PAPPA2: variants seen among roughly 807,000 people sequenced by gnomAD.
PAPPA2 encodes pappalysin-2.
PAPPA2 carries 86 observed loss-of-function variants against 176.4 expected under a neutral mutation model. The observed-to-expected ratio is 0.49, with a 90% CI of 0.41 to 0.58. The LOEUF (loss-of-function observed/expected upper bound fraction) is 0.58. PAPPA2 is among the 20% of genes least tolerant of loss of function. The probability of loss-of-function intolerance (pLI) is 0.00; values close to 1 mark genes in which losing one functional copy is unlikely to be tolerated. For missense variants in PAPPA2, 2,073 were observed against 2,256.9 expected, an observed-to-expected ratio of 0.92 and a Z score of 1.65; for synonymous variants, 809 against 852.2, an observed-to-expected ratio of 0.95 and a Z score of 0.88.
At chr1:176,563,745 A>C (rs184001386) in intron 2 of PAPPA2, among the ~76,000 whole-genome samples, 36 of 152,304 alleles carry the variant, frequency 2.4e-4, no homozygotes, top group Admixed American at 2.1e-3. Context: ...GGTGCAATGT[A>C]AGTACGTCTT....
At chr1:176,694,722 C>G (rs531216149) in intron 6 of PAPPA2, among the ~76,000 whole-genome samples, 1 of 152,276 alleles carries the variant, frequency 6.6e-6, no homozygotes, top group South Asian at 2.1e-4. Flanking sequence ...AGTTATAGTA[C>G]TTGTAGAACT....
chr1:176,752,281 A>G (rs1200453266), intron 14 of PAPPA2, among the ~76,000 whole-genome samples: 15 of 134,798 alleles, frequency 1.1e-4, no homozygotes, highest in African/African-American at 3.9e-4. Context: ...AGCATGGCAC[A>G]TGTATACATA....
chr1:176,661,358 A>G (rs1658350931), intron 3 of PAPPA2, among the ~76,000 whole-genome samples: 2 of 151,814 alleles, frequency 1.3e-5, no homozygotes, highest in Non-Finnish European at 2.9e-5. Flanking sequence ...AACATCTAGA[A>G]CTATCTCTCA....
intron 3 of PAPPA2, among the ~76,000 whole-genome samples, chr1:176,621,307 AC>A: frequency 6.6e-6 from 1 of 152,294 alleles, no homozygotes; most frequent in African/African-American, 2.4e-5. Context: ...ATGAAAGATG[AC>A]AAGCCCCAAA....
intron 2 of PAPPA2, among the ~76,000 whole-genome samples, chr1:176,586,483 C>G (rs1475120863): frequency 6.6e-6 from 1 of 152,158 alleles, no homozygotes; most frequent in African/African-American, 2.4e-5. Flanking sequence ...TGTTGTTCCC[C>G]TCTCTGTGTC....
intron 1 of PAPPA2, among the ~76,000 whole-genome samples, chr1:176,501,277 C>G (rs1300467346): frequency 6.6e-6 from 1 of 152,022 alleles, no homozygotes; most frequent in African/African-American, 2.4e-5. Flanking sequence ...AAATATCTCC[C>G]TATTTTTTAG....
chr1:176,675,761 A>C (rs2102781998), intron 4 of PAPPA2, among the ~76,000 whole-genome samples: 1 of 152,248 alleles, frequency 6.6e-6, no homozygotes, highest in African/African-American at 2.4e-5. Flanking sequence ...AAAAGATATC[A>C]AACCACAGAT....
chr1:176,620,246 C>T (rs1655508709), intron 3 of PAPPA2, among the ~76,000 whole-genome samples: 1 of 152,138 alleles, frequency 6.6e-6, no homozygotes, highest in Non-Finnish European at 1.5e-5. Context: ...TAATGACCAT[C>T]ACCTTGGGCA....
intron 3 of PAPPA2, among the ~76,000 whole-genome samples, chr1:176,617,411 T>A (rs1476114143): frequency 6.6e-6 from 1 of 152,094 alleles, no homozygotes; most frequent in Non-Finnish European, 1.5e-5. Flanking sequence ...TTTTGGTGCA[T>A]CCGTCACATG....
At chr1:176,839,255 C>T (rs1481230641) in intron 21 of PAPPA2, among the ~76,000 whole-genome samples, 1 of 152,168 alleles carries the variant, frequency 6.6e-6, no homozygotes, top group East Asian at 1.9e-4. Flanking sequence ...TACAGCAGGA[C>T]AACATTTCCC....
intron 17 of PAPPA2, among the ~76,000 whole-genome samples, chr1:176,779,439 T>C (rs1280653993): frequency 6.8e-6 from 1 of 147,018 alleles, no homozygotes. Flanking sequence ...TTAAGTAGGG[T>C]GGAGAAAATG....
intron 12 of PAPPA2, among the ~76,000 whole-genome samples, chr1:176,739,373 A>C (rs2102872872): frequency 6.6e-6 from 1 of 152,280 alleles, no homozygotes; most frequent in Non-Finnish European, 1.5e-5. Flanking sequence ...AAAAAAAAAC[A>C]GTTCAGGTAT....
At chr1:176,631,702 A>T (rs1656348282) in intron 3 of PAPPA2, among the ~76,000 whole-genome samples, 1 of 152,222 alleles carries the variant, frequency 6.6e-6, no homozygotes, top group South Asian at 2.1e-4. Flanking sequence ...AGTGAAATAC[A>T]GATGACAGCG....
chr1:176,634,034 G>A (rs1041954968), intron 3 of PAPPA2, among the ~76,000 whole-genome samples: 1 of 152,206 alleles, frequency 6.6e-6, no homozygotes, highest in Non-Finnish European at 1.5e-5. Flanking sequence ...AGACAGTGTG[G>A]CGATTCCTCG....
chr1:176,618,556 A>G (rs1655407805), intron 3 of PAPPA2, among the ~76,000 whole-genome samples: 1 of 152,220 alleles, frequency 6.6e-6, no homozygotes, highest in Admixed American at 6.5e-5. Flanking sequence ...AGACAACATG[A>G]GAAAAATTGT....
intron 1 of PAPPA2, among the ~76,000 whole-genome samples, chr1:176,475,755 G>GT (rs1652087748): frequency 6.6e-6 from 1 of 152,130 alleles, no homozygotes; most frequent in Non-Finnish European, 1.5e-5. Context: ...CTTTTGCTTT[G>GT]TTTTTTGGAG....
intron 1 of PAPPA2, among the ~76,000 whole-genome samples, chr1:176,541,651 C>T (rs969974556): frequency 6.6e-6 from 1 of 152,152 alleles, no homozygotes; most frequent in African/African-American, 2.4e-5. Context: ...TTATAATGAT[C>T]CACATCGAGA....
At chr1:176,477,230 G>T (rs1044777444) in intron 1 of PAPPA2, among the ~76,000 whole-genome samples, 4 of 152,084 alleles carry the variant, frequency 2.6e-5, no homozygotes, top group Non-Finnish European at 5.9e-5. Context: ...TGACCTTGCT[G>T]CATGCTCATA....
chr1:176,737,069 A>T (rs1392543341), intron 12 of PAPPA2, among the ~76,000 whole-genome samples: 2 of 149,862 alleles, frequency 1.3e-5, no homozygotes, highest in Non-Finnish European at 3.0e-5. Context: ...AAATACACTA[A>T]TTTTTTTTTT....
Sources: allele counts gnomAD v4.1 joint callset (sites outside exome capture counted in the v4.1 genomes callset), GRCh38; gene constraint gnomAD v4.1.1; transcripts MANE v1.5; gene names NCBI Gene and HGNC (gene_info 2026-07-23, HGNC 2026-07-21).